Variants in WDPCP observed in about 807,000 individuals in gnomAD.
WDPCP encodes WD repeat-containing and planar cell polarity effector protein fritz homolog.
WDPCP carries 71 observed loss-of-function variants against 93.1 expected under a neutral mutation model. That is an observed-to-expected ratio of 0.76 (90% CI 0.63 to 0.93). The LOEUF is 0.93. Among genes scored for constraint, WDPCP ranks in the 40% least tolerant of loss-of-function variants. The pLI is 0.00. For synonymous variants in WDPCP, 315 were observed against 315.0 expected (o/e 1.00, Z 0.00); for missense variants, 844 against 887.4 (o/e 0.95, Z 0.62).
intron 14 of WDPCP, among the ~76,000 whole-genome samples, chr2:63,245,405 CAGAAAGTCGAGCTTTTTGAGA>C (rs1680193123): frequency 6.6e-6 from 1 of 152,090 alleles, no homozygotes; most frequent in South Asian, 2.1e-4. Flanking sequence ...ATTTATTGCA[CAGAAAGTCGAGCTTTTTGAGA>C]AAAGGACAGT....
At chr2:63,539,015 C>A (rs1704515468) in intron 1 of WDPCP, among the ~76,000 whole-genome samples, 1 of 152,108 alleles carries the variant, frequency 6.6e-6, no homozygotes, top group African/African-American at 2.4e-5. Flanking sequence ...TCTCAATTTT[C>A]TCCTTTGCAA....
At chr2:63,522,699 T>C (rs2421952) in intron 1 of WDPCP, among the ~76,000 whole-genome samples, 119,270 of 152,086 alleles carry the variant, frequency 0.78, 47,190 homozygotes, top group East Asian at 0.99. Context: ...TGAACACAGC[T>C]AGGAAATCTA....
At chr2:63,804,251 C>CT (rs548734461) in intron 2 of WDPCP, among the ~76,000 whole-genome samples, 684 of 139,848 alleles carry the variant, frequency 4.9e-3, no homozygotes, top group East Asian at 0.011. Context: ...CCAGATACTC[C>CT]TTTTTTTTTT....
At position 63,622,640 on chromosome 2, in the gene WDPCP, G is replaced by C; in HGVS notation, n.488+28019C>G. 2.5e-6 allele frequency: 4 copies of C among 1,613,918 alleles called. 1 individual carries two copies. In the South Asian group the frequency reaches 4.4e-5, roughly 18 times the overall value. ...TGGCAGGAAATAGTTGCTTGGCCCA[G>C]CGTGGCATTCTGTTGGTCTTGGTCA... is the stretch of plus-strand genomic sequence containing the variant. On this transcript the variant is annotated intron_variant and non_coding_transcript_variant, in intron 3 of 4. Transcript: ENST00000467687.
upstream of WDPCP, among the ~76,000 whole-genome samples, chr2:63,828,958 T>C (rs941900367): frequency 4.6e-5 from 7 of 152,328 alleles, no homozygotes; most frequent in East Asian, 3.8e-4. Context: ...AAAATATGTA[T>C]ATCACTTTGT....
At chr2:63,252,240 C>A (rs77943482) in intron 14 of WDPCP, among the ~76,000 whole-genome samples, 2 of 152,062 alleles carry the variant, frequency 1.3e-5, no homozygotes, top group African/African-American at 4.8e-5. Flanking sequence ...CCAACATCCT[C>A]CTTGATAAAA....
intron 2 of WDPCP, among the ~76,000 whole-genome samples, chr2:63,710,743 G>C (rs1004354979): frequency 3.9e-5 from 6 of 152,218 alleles, no homozygotes; most frequent in Non-Finnish European, 8.8e-5. Flanking sequence ...TGGTTGGGTG[G>C]AAGTAGGCTT....
chr2:63,605,823 C>T (rs1044295464), intron 3 of WDPCP: 7 of 840,960 alleles, frequency 8.3e-6, no homozygotes, highest in Non-Finnish European at 1.4e-5. Flanking sequence ...TAGTTCCTTA[C>T]ACAGTAATGA....
chr2:63,760,103 C>A (rs903420554), intron 2 of WDPCP, among the ~76,000 whole-genome samples: 2 of 152,144 alleles, frequency 1.3e-5, no homozygotes, highest in Non-Finnish European at 1.5e-5. Flanking sequence ...GGGCTCCAAG[C>A]CCCAAGTACG....
intron 12 of WDPCP, among the ~76,000 whole-genome samples, chr2:63,322,809 A>G (rs1194227714): frequency 6.6e-6 from 1 of 152,064 alleles, no homozygotes; most frequent in African/African-American, 2.4e-5. Context: ...AAGTGAGACT[A>G]TCGCCTATTG....
At chr2:63,452,931 C>T (rs940706484) in intron 6 of WDPCP, among the ~76,000 whole-genome samples, 14 of 152,290 alleles carry the variant, frequency 9.2e-5, no homozygotes, top group African/African-American at 2.9e-4. Flanking sequence ...ACACCTTAAA[C>T]AAAAATTAAT....
upstream of WDPCP, among the ~76,000 whole-genome samples, chr2:63,829,723 C>G (rs1012687896): frequency 6.6e-6 from 1 of 152,074 alleles, no homozygotes; most frequent in African/African-American, 2.4e-5. Context: ...TACACCAGTA[C>G]TTTTACATTG....
At chr2:63,822,947 T>C (rs1026507913) in intron 1 of WDPCP, among the ~76,000 whole-genome samples, 6 of 151,386 alleles carry the variant, frequency 4.0e-5, no homozygotes, top group African/African-American at 1.5e-4. Flanking sequence ...TCTTGGTGTC[T>C]GTAAAAATAC....
At chr2:63,464,949 T>C (rs1699247964) in intron 6 of WDPCP, among the ~76,000 whole-genome samples, 1 of 152,020 alleles carries the variant, frequency 6.6e-6, no homozygotes, top group African/African-American at 2.4e-5. Context: ...ATGAAAAAGT[T>C]CTGGACATCT....
At chr2:63,688,249 A>AC (rs1183786344) in intron 2 of WDPCP, among the ~76,000 whole-genome samples, 2 of 151,962 alleles carry the variant, frequency 1.3e-5, no homozygotes, top group African/African-American at 4.8e-5. Flanking sequence ...ACACGGTGAA[A>AC]CCCCGTCTTT....
At chr2:63,624,567 A>T (rs1279262597) in intron 3 of WDPCP, among the ~76,000 whole-genome samples, 1 of 152,222 alleles carries the variant, frequency 6.6e-6, no homozygotes, top group African/African-American at 2.4e-5. Context: ...GTGTAAATAA[A>T]CTAGAAAATC....
intron 17 of WDPCP, among the ~76,000 whole-genome samples, chr2:63,125,648 CCCAGG>C (rs1669844167): frequency 6.6e-6 from 1 of 152,134 alleles, no homozygotes; most frequent in African/African-American, 2.4e-5. Flanking sequence ...TGCTCTGTTG[CCCAGG>C]CTGGAGTGCA....
At chr2:63,232,486 T>TATCA (rs1465631905) in intron 14 of WDPCP, 2 of 152,342 alleles carry the variant, frequency 1.3e-5, no homozygotes, top group Admixed American at 6.6e-5. Context: ...CTGCTGTGTT[T>TATCA]ATCAGTTTTG....
intron 2 of WDPCP, among the ~76,000 whole-genome samples, chr2:63,743,602 G>A (rs761510601): frequency 6.6e-6 from 1 of 152,042 alleles, no homozygotes; most frequent in South Asian, 2.1e-4. Flanking sequence ...TTAATCCCAA[G>A]TTATGAATAC....
Sources: gnomAD v4.1 joint callset for allele counts (sites outside exome capture counted in the v4.1 genomes callset) on GRCh38, gnomAD v4.1.1 for gene constraint, MANE v1.5 for transcripts, NCBI Gene and HGNC (gene_info 2026-07-23, HGNC 2026-07-21) for gene names.